The following SELENBP1 variants were observed in gnomAD, a reference collection of about 807,000 sequenced individuals.
SELENBP1 encodes the protein methanethiol oxidase.
In SELENBP1, 71 loss-of-function variants were observed where a neutral mutation model predicts 61.0. The observed-to-expected ratio is 1.16, with a 90% confidence interval of 0.96 to 1.42. SELENBP1 has a LOEUF of 1.42. SELENBP1 is among the 40% of genes most tolerant of loss of function. The pLI, the probability that SELENBP1 is intolerant of heterozygous loss-of-function variation, is 0.00. For synonymous variants in SELENBP1, 270 were observed against 238.9 expected, an observed-to-expected ratio of 1.13 and a Z score of -1.20; for missense variants, 561 against 605.0, an observed-to-expected ratio of 0.93 and a Z score of 0.76.
Position 151,369,095 on chromosome 1 carries a change from G to C in SELENBP1, c.269C>G (p.Ser90Trp), listed in dbSNP as rs1284621522. The change falls in exon 4 of 12, where the codon TCG becomes TGG. Residue 90 changes from serine (S) to tryptophan (W), a missense_variant. Ser to Trp is a radical substitution (Grantham distance 177). Coordinates refer to ENST00000368868, the MANE Select transcript of SELENBP1 (RefSeq NM_003944.4). The part of the protein sequence containing the change: ...CSSCFGDSTK[S>W]RTKLVLPSLI... ...ACTGGGCAGCACCAGCTTGGTGCGC[G>C]ACTTGGTGCTATCACCGAAGCAGCT... 1.2e-6 allele frequency: 2 copies of C among 1,613,912 alleles called. No homozygotes were observed. Among genetic ancestry groups the C allele is most frequent in the Non-Finnish European group, 1.7e-6 (2 of 1,180,018 alleles).
In SELENBP1 at chr1:151,369,699, C is replaced by T. The variant is rs1370873011; in HGVS notation, c.61+14G>A. The T allele has an allele frequency of 6.4e-7, 1 of 1,551,084 alleles. No individual in the cohort carries two copies. The highest frequency in any genetic ancestry group is 2.0e-5 in the Admixed American group (1 of 50,964). On this transcript the variant is annotated intron_variant, in intron 2 of 11. Coordinates refer to ENST00000368868, the MANE Select transcript of SELENBP1 (RefSeq NM_003944.4). ...CAGTAGTAGGGCGCTGGCTCTCAGA[C>T]CATGGGCAATTACCTTTCATGGCCT...
intron 9 of SELENBP1, 77 bp from the exon 10 acceptor site, chr1:151,365,358 C>A: frequency 6.6e-7 from 1 of 1,508,604 alleles, no homozygotes; most frequent in Non-Finnish European, 9.2e-7. Flanking sequence ...GCTTGCCTGG[C>A]TGGAACCCCT....
chr1:151,368,689 T>A (rs1196851626), intron 4 of SELENBP1, among the ~76,000 whole-genome samples: 2 of 152,196 alleles, frequency 1.3e-5, no homozygotes, highest in Non-Finnish European at 2.9e-5. Flanking sequence ...AAACAAAGTG[T>A]TGGGAGAGAC....
intron 1 of SELENBP1, among the ~76,000 whole-genome samples, chr1:151,370,866 C>T (rs528519497): frequency 6.6e-6 from 1 of 152,324 alleles, no homozygotes; most frequent in Admixed American, 6.5e-5. Flanking sequence ...GGGGCCTCCA[C>T]TGGGGCCTGG....
chr1:151,369,815 TG>T (rs1392070719), intron 1 of SELENBP1, 46 bp from the exon 2 acceptor site: 28 of 1,551,248 alleles, frequency 1.8e-5, no homozygotes, highest in Non-Finnish European at 1.7e-5. Flanking sequence ...CTCTGGAGGG[TG>T]AAGGCTCCCT....
At chr1:151,371,002 A>G (rs1222214641) in intron 1 of SELENBP1, among the ~76,000 whole-genome samples, 1 of 152,206 alleles carries the variant, frequency 6.6e-6, no homozygotes, top group Non-Finnish European at 1.5e-5. Context: ...CTCTTCATTT[A>G]CGAAAAGTGG....
At chr1:151,368,080 T>C in intron 5 of SELENBP1, 119 bp downstream of exon 5, 1 of 1,344,372 alleles carries the variant, frequency 7.4e-7, no homozygotes, top group Non-Finnish European at 1.0e-6. Context: ...TCCAGCTCAC[T>C]GGTTCTCCTT....
rs147939893 is a variant in SELENBP1 at position 151,367,114 on chromosome 1, G to A, written c.482-210C>T. On this transcript the variant is annotated intron_variant, in intron 5 of 11. Transcript: ENST00000368868. ...TCCCAGCCCTTTGAGAGGCTGAGGC[G>A]GGCGGATCACTTGAGGTCAGGAGTT... is the stretch of plus-strand genomic sequence containing the variant. The A allele has an allele frequency of 2.2e-3, 2,860 of 1,310,400 alleles. 49 individuals are homozygous for A. The African/African-American group carries it at 0.03, about 14-fold the overall frequency. The allele number at this position is 1,310,400 out of a possible 1,614,324, so 81.2% of individuals were successfully genotyped here.
rs1374608463 is a variant in SELENBP1 at position 151,364,495 on chromosome 1, A to G, written c.*48T>C. On this transcript the variant is annotated 3_prime_UTR_variant, in exon 12 of 12. Transcript: ENST00000368868. ...GAGAGCAGAATGAAGCCAGGTCCCC[A>G]AGGAAGTGAGGGCCCAAAATAGGGA... 1.2e-6 allele frequency: 2 copies of G among 1,611,732 alleles called. No homozygotes were observed. Among genetic ancestry groups the G allele is most frequent in the Admixed American group, 3.3e-5 (2 of 59,960 alleles).
chr1:151,367,937 G>T (rs1651940500), intron 5 of SELENBP1, among the ~76,000 whole-genome samples: 1 of 152,226 alleles, frequency 6.6e-6, no homozygotes. Flanking sequence ...GAAGTGCTGG[G>T]ATTAGAGGAG....
intron 5 of SELENBP1, chr1:151,367,355 A>AAAAAAAAAAAAAAAAAAAAGAAGAG (rs966572769): frequency 8.1e-5 from 4 of 49,250 alleles, no homozygotes; most frequent in African/African-American, 3.2e-4. Flanking sequence ...AAAAAAAAAA[A>AAAAAAAAAAAAAAAAAAAAGAAGAG]AAAAAGAGAA....
Position 151,364,952 on chromosome 1 carries a change from G to C in SELENBP1, c.1230C>G (p.Asp410Glu), listed in dbSNP as rs1651718620. The change falls in exon 11 of 12, where the codon GAC becomes GAG. Residue 410 changes from aspartate to glutamate, a missense_variant. Transcript: ENST00000368868. ...TGATGAGATCAGGGTAAAACTGCTT[G>C]TCCCAGGCACTGTACAGCGACGTGG... ...YITTSLYSAW[D>E]KQFYPDLIRE... The C allele has an allele frequency of 6.2e-7, 1 of 1,613,836 alleles. No homozygotes were observed. Among genetic ancestry groups the C allele is most frequent in the African/African-American group, 1.3e-5 (1 of 74,884 alleles).
intron 5 of SELENBP1, 37 bp downstream of exon 5, chr1:151,368,162 G>A (rs374204027): frequency 1.6e-5 from 25 of 1,599,058 alleles, no homozygotes; most frequent in Admixed American, 6.7e-5. Context: ...TTTCACAGCT[G>A]TGGAAGTTTT....
At chr1:151,366,925 G>C (rs1432679806) in intron 5 of SELENBP1, 21 bp from the exon 6 acceptor site, 1 of 1,610,894 alleles carries the variant, frequency 6.2e-7, no homozygotes, top group Non-Finnish European at 8.5e-7. Context: ...AAGGAAGCAG[G>C]GTGGCAGGTA....
rs1340652358 is a variant in SELENBP1 at position 151,365,279 on chromosome 1, G to A, written c.1047C>T (p.Leu349=). 4 of 1,611,754 alleles carry A rather than the reference G, an allele frequency of 2.5e-6. No individual in the cohort carries two copies. In the African/African-American group the frequency reaches 4.0e-5, roughly 16 times the overall value. Residue 349 remains leucine (L), a splice_region_variant and synonymous_variant, in exon 10 of 12, where the codon CTC becomes CTT. Transcript: ENST00000368868. ...DPQRPRLTGQ[L]FLGGSIVKGG... is the part of the protein sequence containing the mutation. ...CCTTAACAATGCTGCCTCCGAGGAA[G>A]AGCTAGATGGGGAGGTGCAGAGTAT...
At chr1:151,369,357 G>T in intron 3 of SELENBP1, 85 bp downstream of exon 3, 5 of 1,441,472 alleles carry the variant, frequency 3.5e-6, no homozygotes, top group Non-Finnish European at 3.8e-6. Flanking sequence ...GGGCCAAGAA[G>T]GATGGAGCTG....
rs147457071 is a variant in SELENBP1, at chr1:151,368,287, G to C, written c.393C>G (p.Cys131Trp). Residue 131 changes from cysteine (C) to tryptophan (W), a missense_variant, in exon 5 of 12, where the codon TGC becomes TGG. Transcript: ENST00000368868. ...GGCTGGTGTGGAGAAAGGCCAGTTC[G>C]CACTTGGCATGGATGTCCTTGGGCT... ...VIEPKDIHAK[C>W]ELAFLHTSHC... is the part of the protein sequence containing the mutation. 3 of 1,614,030 alleles carry C rather than the reference G, an allele frequency of 1.9e-6. No homozygotes were observed. In the African/African-American group the frequency reaches 4.0e-5, roughly 22 times the overall value.
At position 151,369,729 on chromosome 1, in the gene SELENBP1, AGGGGTGGAGTAGCCG is replaced by A; in HGVS notation, c.30_44del (p.Gly11_Pro15del). Reference sequence around the variant, plus strand: ...GGCAATTACCTTTCATGGCCTCCAGAGGGGTGGAGTAGCCGGGTCCACAATTCCCACATTTCGTAG... The same window carrying A: ...GGCAATTACCTTTCATGGCCTCCAGAGGTCCACAATTCCCACATTTCGTAG... On this transcript the variant is annotated inframe_deletion, in exon 2 of 12. Transcript: ENST00000368868. The A allele has an allele frequency of 6.4e-7, 1 of 1,552,568 alleles. No individual in the cohort carries two copies. The highest frequency in any genetic ancestry group is 2.0e-5 in the Admixed American group (1 of 51,070).
rs190867505 is a variant in SELENBP1, at chr1:151,367,234, C to T, written c.482-330G>A. 5.8e-4 allele frequency: 132 copies of T among 229,402 alleles called. 1 individual carries two copies. The East Asian group carries it at 9.5e-3, about 16-fold the overall frequency. The allele number at this position is 229,402 out of a possible 1,614,324, so 14.2% of individuals were successfully genotyped here. A position where few individuals can be genotyped will look rare whatever the true frequency, so the allele number is the denominator to read the frequency against. On this transcript the variant is annotated intron_variant, in intron 5 of 11. Transcript: ENST00000368868. ...CGTCACATGCCTGTAATCCCAGCTA[C>T]TCGGGAGGCTGAGGCAGGATAATCT...
Sources: allele counts gnomAD v4.1 joint callset (sites outside exome capture counted in the v4.1 genomes callset), GRCh38; gene constraint gnomAD v4.1.1; transcripts MANE v1.5; gene names NCBI Gene and HGNC (gene_info 2026-07-23, HGNC 2026-07-21).